The following ATP10A variants were observed in gnomAD, a reference collection of about 807,000 sequenced individuals.
ATP10A encodes the protein ATPase phospholipid transporting 10A (putative).
ATP10A carries 111 observed loss-of-function variants against 147.8 expected under a neutral mutation model. That is an observed-to-expected ratio of 0.75 (90% CI 0.64 to 0.88). The LOEUF is 0.88. Ranked by LOEUF, ATP10A falls within the 40% of genes least tolerant of loss-of-function variation. ATP10A has a pLI of 0.00. For synonymous variants in ATP10A, 875 were observed against 841.6 expected (o/e 1.04, Z -0.69); for missense variants, 1,927 against 1,959.0 (o/e 0.98, Z 0.31).
rs1899276708 is a variant in ATP10A, at chr15:25,679,728, G to A, written c.4113C>T (p.Ser1371=). Reference sequence around the variant, plus strand: ...TCACTGGCATGCTCATGTCCACTGTGCTGGGCTCCCCGCTGGCCTCCAGGG... The same window carrying A: ...TCACTGGCATGCTCATGTCCACTGTACTGGGCTCCCCGCTGGCCTCCAGGG... ...VCSLEASGEP[S]TVDMSMPVRE... The change falls in exon 21 of 21, where the codon AGC becomes AGT. Residue 1371 remains serine (S), a synonymous_variant. Coordinates refer to ENST00000555815, the MANE Select transcript of ATP10A (RefSeq NM_024490.4). 1.2e-6 allele frequency: 2 copies of A among 1,613,216 alleles called. No homozygotes were observed. Among genetic ancestry groups the A allele is most frequent in the Non-Finnish European group, 1.7e-6 (2 of 1,180,006 alleles).
intron 9 of ATP10A, among the ~76,000 whole-genome samples, chr15:25,714,526 C>T (rs1901661898): frequency 6.6e-6 from 1 of 152,022 alleles, no homozygotes; most frequent in Admixed American, 6.5e-5. Flanking sequence ...GTACTCCTTC[C>T]TTGAGATCGT....
chr15:25,750,132 A>G (rs1413195826), intron 2 of ATP10A, among the ~76,000 whole-genome samples: 1 of 152,076 alleles, frequency 6.6e-6, no homozygotes, highest in African/African-American at 2.4e-5. Context: ...CAAATTATGA[A>G]GAAAATTACA....
intron 1 of ATP10A, among the ~76,000 whole-genome samples, chr15:25,834,824 A>G (rs1892520989): frequency 6.6e-6 from 1 of 152,248 alleles, no homozygotes; most frequent in East Asian, 1.9e-4. Flanking sequence ...AATATGAATG[A>G]GCCTGCAAAC....
chr15:25,694,747 G>A (rs955303236), intron 14 of ATP10A, 72 bp downstream of exon 14: 2 of 1,327,580 alleles, frequency 1.5e-6, no homozygotes, highest in Non-Finnish European at 2.1e-6. Flanking sequence ...CCATCTCGTG[G>A]TGTAGCATGG....
chr15:25,702,420 T>C (rs1346398620), intron 12 of ATP10A, among the ~76,000 whole-genome samples: 1 of 152,226 alleles, frequency 6.6e-6, no homozygotes, highest in African/African-American at 2.4e-5. Context: ...TTCTAACTTG[T>C]AACTTTACAG....
At chr15:25,804,311 C>T (rs4556761) in intron 1 of ATP10A, among the ~76,000 whole-genome samples, 2 of 148,536 alleles carry the variant, frequency 1.3e-5, no homozygotes, top group Admixed American at 1.3e-4. Context: ...TCGTGTGTGT[C>T]TAATTGTGCT....
intron 1 of ATP10A, among the ~76,000 whole-genome samples, chr15:25,839,818 A>C (rs1892737101): frequency 6.6e-6 from 1 of 152,168 alleles, no homozygotes; most frequent in African/African-American, 2.4e-5. Context: ...GCCTCCCCTA[A>C]GGCCACCATG....
chr15:25,722,626 C>T (rs1251823405), intron 6 of ATP10A, among the ~76,000 whole-genome samples: 1 of 152,200 alleles, frequency 6.6e-6, no homozygotes, highest in African/African-American at 2.4e-5. Context: ...GTTAATCAAA[C>T]ACCAGCTACA....
At chr15:25,814,922 A>T (rs541427972) in intron 1 of ATP10A, among the ~76,000 whole-genome samples, 8 of 152,328 alleles carry the variant, frequency 5.3e-5, no homozygotes, top group African/African-American at 1.9e-4. Context: ...ATGCACAAAC[A>T]CATGCATTTT....
In ATP10A at chr15:25,767,708, G is replaced by C. The variant is rs962560952; in HGVS notation, c.654+13311C>G. Among the ~76,000 whole-genome samples the C allele has an allele frequency of 5.3e-5, 8 of 152,288 alleles. No individual in the cohort carries two copies. In the East Asian group the frequency reaches 1.5e-3, roughly 29 times the overall value. On this transcript the variant is annotated intron_variant, in intron 2 of 20. Coordinates refer to ENST00000555815, the MANE Select transcript of ATP10A (RefSeq NM_024490.4). ...AAGCTCCTCAGGGGAATCCCACCTC[G>C]GCCAATGAGACACTAAGAGGCTAAA...
At chr15:25,691,586 T>C in intron 15 of ATP10A, 129 bp downstream of exon 15, 1 of 848,422 alleles carries the variant, frequency 1.2e-6, no homozygotes, top group Admixed American at 2.0e-5. Flanking sequence ...GAGCATCAGC[T>C]ATATTAAGGG....
intron 2 of ATP10A, among the ~76,000 whole-genome samples, chr15:25,741,888 TG>T (rs1169187863): frequency 5.3e-5 from 8 of 151,556 alleles, no homozygotes; most frequent in African/African-American, 1.9e-4. Flanking sequence ...TGAAAGCGTC[TG>T]GTGGCAAGAA....
At chr15:25,756,471 G>A (rs936302801) in intron 2 of ATP10A, among the ~76,000 whole-genome samples, 1 of 152,082 alleles carries the variant, frequency 6.6e-6, no homozygotes, top group Non-Finnish European at 1.5e-5. Flanking sequence ...GTGAAACCCC[G>A]TCTCTGCTAA....
intron 10 of ATP10A, chr15:25,709,777 T>A (rs1267980068): frequency 6.6e-6 from 1 of 152,422 alleles, no homozygotes; most frequent in Non-Finnish European, 1.5e-5. Context: ...TCTGGCGAGA[T>A]CTGCCCCTCG....
chr15:25,819,264 A>T (rs1891784878), intron 1 of ATP10A, among the ~76,000 whole-genome samples: 1 of 152,198 alleles, frequency 6.6e-6, no homozygotes, highest in African/African-American at 2.4e-5. Context: ...GTGGGCAAAG[A>T]ACATGAATAG....
chr15:25,710,422 C>A (rs1304308333), intron 10 of ATP10A: 1 of 152,166 alleles, frequency 6.6e-6, no homozygotes, highest in Non-Finnish European at 1.5e-5. Context: ...GCCCACTGAC[C>A]CCAGACACAG....
chr15:25,762,583 A>C (rs1888816272), intron 2 of ATP10A, among the ~76,000 whole-genome samples: 1 of 150,844 alleles, frequency 6.6e-6, no homozygotes. Context: ...GCCCAAGCCT[A>C]TTTATTTATT....
intron 1 of ATP10A, among the ~76,000 whole-genome samples, chr15:25,810,725 A>C (rs962992741): frequency 6.6e-6 from 1 of 152,148 alleles, no homozygotes; most frequent in Admixed American, 6.5e-5. Context: ...AGGGCTGCCC[A>C]GGTTCTAAAA....
chr15:25,862,498 G>A, intron 1 of ATP10A, 150 bp downstream of exon 1: 3 of 1,015,838 alleles, frequency 3.0e-6, no homozygotes, highest in Non-Finnish European at 4.2e-6. Context: ...GCTTCGGTCG[G>A]CACCGGGTCC....
Sources: gnomAD v4.1 joint callset for allele counts (sites outside exome capture counted in the v4.1 genomes callset) on GRCh38, gnomAD v4.1.1 for gene constraint, MANE v1.5 for transcripts, NCBI Gene and HGNC (gene_info 2026-07-23, HGNC 2026-07-21) for gene names.